CARF: variants seen among roughly 807,000 people sequenced by gnomAD.
CARF encodes the protein calcium-responsive transcription factor.
CARF carries 57 observed loss-of-function variants against 82.0 expected under a neutral mutation model. The ratio of observed to expected loss-of-function variants is 0.70; its 90% CI spans 0.56 to 0.87. The LOEUF (loss-of-function observed/expected upper bound fraction) is 0.87. CARF is among the 40% of genes least tolerant of loss of function. The pLI is 0.00. For synonymous variants in CARF, 268 were observed against 290.1 expected, an observed-to-expected ratio of 0.92 and a Z score of 0.77; for missense variants, 771 against 855.8, an observed-to-expected ratio of 0.90 and a Z score of 1.24.
chr2:202,968,261 C>A (rs996130611), intron 10 of CARF, among the ~76,000 whole-genome samples: 1 of 151,854 alleles, frequency 6.6e-6, no homozygotes, highest in African/African-American at 2.4e-5. Context: ...AATTAGCCAG[C>A]CGTGGTGGCG....
At chr2:202,950,795 C>T (rs1172686060) in intron 5 of CARF, among the ~76,000 whole-genome samples, 2 of 152,158 alleles carry the variant, frequency 1.3e-5, no homozygotes, top group Non-Finnish European at 2.9e-5. Context: ...TTCCTATGAA[C>T]TGAGCACGTG....
At position 202,986,873 on chromosome 2, in the gene CARF, T is replaced by TATATAG. The variant is rs1553584459; in HGVS notation, c.*3254_*3255insGATATA. On this transcript the variant is annotated 3_prime_UTR_variant, in exon 17 of 17. Transcript: ENST00000438828. ...GGTTTAAAAAATGTCTGTGCGTATA[T>TATATAG]ATATATATATATATATATATATATA... 7.2e-5 allele frequency: 5 copies of TATATAG among 69,144 alleles called. No homozygotes were observed. In the East Asian group the frequency reaches 1.6e-3, roughly 22 times the overall value. 4.3% of individuals were successfully genotyped at this position (69,144 alleles called of 1,614,324 possible). A position where few individuals can be genotyped will look rare whatever the true frequency, so the allele number is the denominator to read the frequency against.
intron 3 of CARF, among the ~76,000 whole-genome samples, chr2:202,935,114 ATATAATTATT>A (rs1447381784): frequency 1.4e-5 from 2 of 143,186 alleles, no homozygotes; most frequent in East Asian, 2.0e-4. Context: ...ATATAATTAT[ATATAATTATT>A]TATAATTATA....
rs906377876 is a variant in CARF, at chr2:202,983,501, T to G, written c.2060-5T>G. On this transcript the variant is annotated splice_region_variant and splice_polypyrimidine_tract_variant and intron_variant, in intron 16 of 16. Transcript: ENST00000438828. Reference sequence around the variant, plus strand: ...CTTTTAGGATTTTTCTGTTTGTTTTTAAAGTTGAAGAAAATCCAGAAAGTA... The same window carrying G: ...CTTTTAGGATTTTTCTGTTTGTTTTGAAAGTTGAAGAAAATCCAGAAAGTA... 2.6e-6 allele frequency: 4 copies of G among 1,558,096 alleles called. No individual in the cohort carries two copies. The highest frequency in any genetic ancestry group is 3.5e-6 in the Non-Finnish European group (4 of 1,140,808).
intron 3 of CARF, among the ~76,000 whole-genome samples, chr2:202,928,531 T>G (rs1446626640): frequency 6.6e-6 from 1 of 152,164 alleles, no homozygotes; most frequent in African/African-American, 2.4e-5. Context: ...TATTTTTAGT[T>G]TTTTGAGTAA....
At chr2:202,970,848 C>T (rs2059760862) in intron 11 of CARF, among the ~76,000 whole-genome samples, 1 of 151,106 alleles carries the variant, frequency 6.6e-6, no homozygotes, top group East Asian at 1.9e-4. Context: ...ATTTTCCTAC[C>T]GTCTACTTTT....
intron 3 of CARF, among the ~76,000 whole-genome samples, chr2:202,940,439 A>G (rs1341782699): frequency 1.3e-5 from 2 of 152,084 alleles, no homozygotes; most frequent in Non-Finnish European, 2.9e-5. Flanking sequence ...GATGTTTCCA[A>G]TATGGGGAGT....
chr2:202,923,550 A>C (rs1691234149), intron 2 of CARF, among the ~76,000 whole-genome samples: 1 of 152,224 alleles, frequency 6.6e-6, no homozygotes, highest in African/African-American at 2.4e-5. Flanking sequence ...CCATACTGCC[A>C]AAAGCAATCT....
chr2:202,952,484 A>C, intron 5 of CARF, 75 bp from the exon 6 acceptor site: 2 of 1,378,150 alleles, frequency 1.5e-6, no homozygotes, highest in Non-Finnish European at 2.0e-6. Context: ...GTGTTTAATA[A>C]TTTATTTAAT....
At position 202,977,269 on chromosome 2, in the gene CARF, CT is replaced by C. The variant is rs1366126159; in HGVS notation, c.1497del (p.Gln500AsnfsTer14). On this transcript the variant is annotated frameshift_variant and splice_region_variant, in exon 14 of 17. Coordinates refer to ENST00000438828, the MANE Select transcript of CARF (RefSeq NM_024744.17). LOFTEE classifies it high-confidence loss of function. ...ACTGAAATAAATGTTCCCATTTCAGCTTCAATGGACTACAGACAGTGGGAAT... is the reference window on the plus strand; with the variant it reads ...ACTGAAATAAATGTTCCCATTTCAGCTCAATGGACTACAGACAGTGGGAAT... ...VYNSEIIPATLQWTTDSGNIL... is the reference protein window; with the variant it reads ...VYNSEIIPATXQWTTDSGNIL... 6.2e-7 allele frequency: 1 copy of C among 1,605,132 alleles called. No individual in the cohort carries two copies. The highest frequency in any genetic ancestry group is 8.5e-7 in the Non-Finnish European group (1 of 1,175,674).
chr2:202,984,675 T>C lies in CARF; in HGVS notation c.*1051T>C, dbSNP rs1043903395. 1.3e-5 allele frequency: 2 copies of C among 152,210 alleles called. No homozygotes were observed. The highest frequency in any genetic ancestry group is 4.8e-5 in the African/African-American group (2 of 41,456). The allele number at this position is 152,210 out of a possible 1,614,324, so 9.4% of individuals were successfully genotyped here. ...ATTTAAAACTTTAAAACATCTGATC[T>C]GGGATTTTTTTGTTAAGTAAGTATA... On this transcript the variant is annotated 3_prime_UTR_variant, in exon 17 of 17. Transcript: ENST00000438828.
intron 3 of CARF, among the ~76,000 whole-genome samples, chr2:202,935,697 T>C (rs1207501860): frequency 6.6e-6 from 1 of 152,148 alleles, no homozygotes; most frequent in Non-Finnish European, 1.5e-5. Flanking sequence ...AGTGCTGGGA[T>C]TACCCGCATG....
intron 10 of CARF, 44 bp from the exon 11 acceptor site, chr2:202,969,875 G>A (rs1344924943): frequency 4.9e-6 from 6 of 1,236,602 alleles, no homozygotes; most frequent in African/African-American, 1.6e-5. Flanking sequence ...ATTATCTTGA[G>A]ATTATAATAT....
At position 202,925,379 on chromosome 2, in the gene CARF, T is replaced by C. The variant is rs546543395; in HGVS notation, c.-44+964T>C. 4.1e-4 allele frequency: 123 copies of C among 298,340 alleles called. 1 individual carries two copies. Among genetic ancestry groups the C allele is most frequent in the African/African-American group, 2.5e-3 (113 of 45,646 alleles). 18.5% of individuals were successfully genotyped at this position (298,340 alleles called of 1,614,324 possible). A position where few individuals can be genotyped will look rare whatever the true frequency, so the allele number is the denominator to read the frequency against. Reference sequence around the variant, plus strand: ...TTGGTCACATCCCTGGTCCTGTCCATGGACAACAGCCACTCCCTCGATTTA... The same window carrying C: ...TTGGTCACATCCCTGGTCCTGTCCACGGACAACAGCCACTCCCTCGATTTA... On this transcript the variant is annotated intron_variant, in intron 3 of 16. Transcript: ENST00000438828.
At position 202,984,245 on chromosome 2, in the gene CARF, A is replaced by G. The variant is rs2060367222; in HGVS notation, c.*621A>G. ...CTTCCCTTCCAATTTTTGTACTTTT[A>G]ACTACAAACCAGTAGTATACTAATG... is the stretch of plus-strand genomic sequence containing the variant. On this transcript the variant is annotated 3_prime_UTR_variant, in exon 17 of 17. Coordinates refer to ENST00000438828, the MANE Select transcript of CARF (RefSeq NM_024744.17). 6.6e-6 allele frequency: 1 copy of G among 152,342 alleles called. No individual in the cohort carries two copies. The highest frequency in any genetic ancestry group is 1.5e-5 in the Non-Finnish European group (1 of 68,046). The allele number at this position is 152,342 out of a possible 1,614,324, so 9.4% of individuals were successfully genotyped here.
chr2:202,935,120 T>TTATATATAATTATATA (rs1381826523), intron 3 of CARF, among the ~76,000 whole-genome samples: 2 of 143,042 alleles, frequency 1.4e-5, no homozygotes, highest in Admixed American at 7.2e-5. Context: ...TTATATATAA[T>TTATATATAATTATATA]TATTTATAAT....
In CARF at chr2:202,981,670, A is replaced by C; in HGVS notation, c.1674A>C (p.Ile558=). 6.2e-7 allele frequency: 1 copy of C among 1,611,582 alleles called. No individual in the cohort carries two copies. The highest frequency in any genetic ancestry group is 8.5e-7 in the Non-Finnish European group (1 of 1,178,632). Residue 558 remains isoleucine, a synonymous_variant, in exon 15 of 17, where the codon ATA becomes ATC. Coordinates refer to ENST00000438828, the MANE Select transcript of CARF (RefSeq NM_024744.17). ...LSSLSSFQPK[I]FTQLQGLQLQ... is the part of the protein sequence containing the mutation. ...CACTCTCCTCATTTCAGCCCAAAAT[A>C]TTTACACAACTACAGGTAGGTATCC...
At chr2:202,957,920 C>T (rs1393656696) in intron 8 of CARF, among the ~76,000 whole-genome samples, 3 of 151,150 alleles carry the variant, frequency 2.0e-5, no homozygotes, top group South Asian at 2.1e-4. Context: ...CATTCCAGTC[C>T]GTGACAGAGC....
chr2:202,952,125 C>G (rs2058783410), intron 5 of CARF, among the ~76,000 whole-genome samples: 1 of 152,192 alleles, frequency 6.6e-6, no homozygotes, highest in Non-Finnish European at 1.5e-5. Flanking sequence ...GCCACCATGC[C>G]TGACCAACAT....
Sources: allele counts gnomAD v4.1 joint callset (sites outside exome capture counted in the v4.1 genomes callset), GRCh38; gene constraint gnomAD v4.1.1; transcripts MANE v1.5; gene names NCBI Gene and HGNC (gene_info 2026-07-23, HGNC 2026-07-21).